CDH13: variants seen among roughly 807,000 people sequenced by gnomAD.
The protein encoded by CDH13 is cadherin-13.
In CDH13, 24 loss-of-function variants were observed where a neutral mutation model predicts 63.8. The ratio of observed to expected loss-of-function variants is 0.38; its 90% CI spans 0.27 to 0.53. The LOEUF (loss-of-function observed/expected upper bound fraction) is 0.53, where lower values mean the gene tolerates loss of function less well. Ranked by LOEUF, CDH13 falls within the 20% of genes least tolerant of loss-of-function variation. The pLI is 0.85. For synonymous variants in CDH13, 503 were observed against 355.3 expected (o/e 1.42, Z -4.67); for missense variants, 1,049 against 903.1 (o/e 1.16, Z -2.07).
chr16:82,827,246 C>T (rs1178767303), intron 1 of CDH13, among the ~76,000 whole-genome samples: 1 of 152,158 alleles, frequency 6.6e-6, no homozygotes, highest in Admixed American at 6.5e-5. Flanking sequence ...GCATAAGCAT[C>T]GTGTGAATTC....
At chr16:83,455,189 C>G (rs1233612209) in intron 6 of CDH13, among the ~76,000 whole-genome samples, 1 of 152,186 alleles carries the variant, frequency 6.6e-6, no homozygotes, top group African/African-American at 2.4e-5. Context: ...GTATCTCTGA[C>G]TTTCAGAGGG....
At chr16:83,707,298 C>G (rs556086933) in intron 10 of CDH13, among the ~76,000 whole-genome samples, 27 of 152,192 alleles carry the variant, frequency 1.8e-4, no homozygotes, top group Non-Finnish European at 3.4e-4. Flanking sequence ...GAAGTAATCT[C>G]TTTCTCCTTG....
At chr16:83,424,588 C>A (rs1278545860) in intron 6 of CDH13, among the ~76,000 whole-genome samples, 2 of 151,864 alleles carry the variant, frequency 1.3e-5, no homozygotes, top group African/African-American at 4.8e-5. Flanking sequence ...TAATATTGGA[C>A]TATTAATTTT....
At chr16:83,691,236 T>A (rs1213108814) in intron 10 of CDH13, among the ~76,000 whole-genome samples, 1 of 152,060 alleles carries the variant, frequency 6.6e-6, no homozygotes, top group Non-Finnish European at 1.5e-5. Flanking sequence ...GCAAAGTAAC[T>A]TGTGGGAGGA....
chr16:82,720,649 C>T (rs1338958094), intron 1 of CDH13, among the ~76,000 whole-genome samples: 5 of 151,732 alleles, frequency 3.3e-5, no homozygotes, highest in Non-Finnish European at 5.9e-5. Flanking sequence ...AAACTCCACA[C>T]ACAGGGTGGT....
At chr16:83,508,119 A>AAGGAAGGAAGGAAGGG (rs1567722339) in intron 7 of CDH13, among the ~76,000 whole-genome samples, 2 of 75,494 alleles carry the variant, frequency 2.6e-5, no homozygotes, top group Non-Finnish European at 5.2e-5. Context: ...AAAAGGAAGG[A>AAGGAAGGAAGGAAGGG]AGGGAGGAAG....
chr16:83,556,429 A>G (rs897016328), intron 7 of CDH13, among the ~76,000 whole-genome samples: 6 of 152,190 alleles, frequency 3.9e-5, no homozygotes, highest in Non-Finnish European at 7.3e-5. Flanking sequence ...TGCACCAAGC[A>G]GGATGCAAAG....
intron 1 of CDH13, among the ~76,000 whole-genome samples, chr16:82,721,699 C>G (rs1453890900): frequency 6.6e-6 from 1 of 152,146 alleles, no homozygotes; most frequent in Non-Finnish European, 1.5e-5. Context: ...TCATTCTGGT[C>G]TTTGTAGGCC....
chr16:82,839,529 T>A (rs993648733), intron 1 of CDH13, among the ~76,000 whole-genome samples: 1 of 152,198 alleles, frequency 6.6e-6, no homozygotes, highest in Non-Finnish European at 1.5e-5. Flanking sequence ...TTAATCTCCC[T>A]AACTGGAACC....
intron 10 of CDH13, among the ~76,000 whole-genome samples, chr16:83,719,298 C>A (rs1909364568): frequency 6.6e-6 from 1 of 152,202 alleles, no homozygotes; most frequent in Non-Finnish European, 1.5e-5. Flanking sequence ...GCGTACCAGA[C>A]CCTATGTGGG....
intron 10 of CDH13, among the ~76,000 whole-genome samples, chr16:83,684,014 C>G (rs1415937763): frequency 1.3e-5 from 2 of 152,150 alleles, no homozygotes; most frequent in African/African-American, 2.4e-5. Context: ...GGTAAAATAT[C>G]CTGATGATAT....
At chr16:82,850,608 C>A (rs1025668294) in intron 1 of CDH13, among the ~76,000 whole-genome samples, 6 of 152,190 alleles carry the variant, frequency 3.9e-5, no homozygotes, top group Admixed American at 1.3e-4. Flanking sequence ...AAAAAAAGTT[C>A]TCCTGTGGGT....
intron 5 of CDH13, among the ~76,000 whole-genome samples, chr16:83,317,497 G>A (rs1284455312): frequency 6.6e-6 from 1 of 152,102 alleles, no homozygotes; most frequent in Non-Finnish European, 1.5e-5. Flanking sequence ...TTTGCTGGGG[G>A]CACTTCAAGC....
chr16:82,650,701 C>A (rs1396906268), intron 1 of CDH13, among the ~76,000 whole-genome samples: 1 of 152,182 alleles, frequency 6.6e-6, no homozygotes, highest in Non-Finnish European at 1.5e-5. Context: ...GCTCAGCCTG[C>A]TCCCTCCTGC....
rs539047197 is a variant in CDH13 at position 83,225,877 on chromosome 16, C to G, written c.636+8380C>G. ...ATAATTAGGAATTAATATAATGATACCAACCAGCTAGGTGTGTGTTTGAAT... is the reference window on the plus strand; with the variant it reads ...ATAATTAGGAATTAATATAATGATAGCAACCAGCTAGGTGTGTGTTTGAAT... On this transcript the variant is annotated intron_variant, in intron 5 of 13. Coordinates refer to ENST00000567109, the MANE Select transcript of CDH13 (RefSeq NM_001257.5). Among the ~76,000 whole-genome samples, 4 of 152,238 alleles carry G rather than the reference C, an allele frequency of 2.6e-5. No individual in the cohort carries two copies. The South Asian group carries it at 8.3e-4, about 32-fold the overall frequency.
chr16:83,171,524 G>A (rs1380053535), intron 4 of CDH13: 1 of 1,533,884 alleles, frequency 6.5e-7, no homozygotes, highest in Non-Finnish European at 8.7e-7. Flanking sequence ...TTTTTCAGAT[G>A]AAGATTTGGC....
At chr16:83,056,726 G>A (rs569048093) in intron 3 of CDH13, among the ~76,000 whole-genome samples, 29 of 152,256 alleles carry the variant, frequency 1.9e-4, no homozygotes, top group Middle Eastern at 3.4e-3. Flanking sequence ...CACATGTCAC[G>A]GGAGGGATCC....
At chr16:83,375,739 C>T (rs1183392452) in intron 6 of CDH13, among the ~76,000 whole-genome samples, 1 of 152,082 alleles carries the variant, frequency 6.6e-6, no homozygotes, top group Non-Finnish European at 1.5e-5. Flanking sequence ...CTTGAGGGAA[C>T]CCCTTCTGGA....
intron 6 of CDH13, among the ~76,000 whole-genome samples, chr16:83,390,162 G>C (rs867781561): frequency 6.6e-6 from 1 of 152,114 alleles, no homozygotes; most frequent in Middle Eastern, 3.4e-3. Flanking sequence ...CCCTGAGTTT[G>C]GAGCTGAGGA....
Sources: allele counts gnomAD v4.1 joint callset (sites outside exome capture counted in the v4.1 genomes callset), GRCh38; gene constraint gnomAD v4.1.1; transcripts MANE v1.5; gene names NCBI Gene and HGNC (gene_info 2026-07-23, HGNC 2026-07-21).